Variants in CLIC5 observed in about 807,000 individuals in gnomAD.
CLIC5 encodes chloride intracellular channel protein 5.
CLIC5 carries 20 observed loss-of-function variants against 24.7 expected under a neutral mutation model. That is an observed-to-expected ratio of 0.81 (90% CI 0.57 to 1.18). The LOEUF is 1.18. Ranked by LOEUF, CLIC5 falls within the 50% of genes most tolerant of loss-of-function variation. The pLI is 0.00. For synonymous variants in CLIC5, 159 were observed against 135.6 expected (o/e 1.17, Z -1.20); for missense variants, 341 against 326.1 (o/e 1.05, Z -0.35).
At chr6:45,951,581 A>C (rs1764469148) in intron 2 of CLIC5, among the ~76,000 whole-genome samples, 1 of 151,962 alleles carries the variant, frequency 6.6e-6, no homozygotes, top group Non-Finnish European at 1.5e-5. Context: ...GAGCAAAATG[A>C]GGGGGAAGAA....
rs35261495 is a variant in CLIC5 at position 45,911,822 on chromosome 6, C to A, written c.588+2406G>T. On this transcript the variant is annotated intron_variant, in intron 5 of 5. Transcript: ENST00000339561. ...AAAGGCCTGCAGATGCCTCTCCCAA[C>A]GAAGACCTGTGCACCCTGGGCCTTG... 742 of 985,434 alleles carry A rather than the reference C, an allele frequency of 7.5e-4. 9 individuals carry two copies. In the African/African-American group the frequency reaches 0.012, roughly 16 times the overall value. 61.0% of individuals were successfully genotyped at this position (985,434 alleles called of 1,614,324 possible). A position where few individuals can be genotyped will look rare whatever the true frequency, so the allele number is the denominator to read the frequency against.
chr6:46,063,579 G>A lies in CLIC5; in HGVS notation c.540+16124C>T, dbSNP rs147888779. ...AGAGCTTAGAGAGCACTCTTGAGAT[G>A]TGCAGAGGAGTCCCCTTGAATCTTT... On this transcript the variant is annotated intron_variant, in intron 1 of 5. Transcript: ENST00000185206. 6.0e-3 allele frequency among the ~76,000 whole-genome samples: 918 copies of A among 152,304 alleles called. 8 individuals carry two copies. Among genetic ancestry groups the A allele is most frequent in the African/African-American group, 0.019 (806 of 41,562 alleles).
intron 1 of CLIC5, among the ~76,000 whole-genome samples, chr6:46,063,484 C>A (rs1212024782): frequency 6.6e-6 from 1 of 152,108 alleles, no homozygotes; most frequent in African/African-American, 2.4e-5. Flanking sequence ...GTTTGGAGTT[C>A]GGGAAGGTCA....
At chr6:45,885,998 A>C (rs1019883823) in intron 6 of CLIC5, among the ~76,000 whole-genome samples, 2 of 152,216 alleles carry the variant, frequency 1.3e-5, no homozygotes, top group Non-Finnish European at 2.9e-5. Flanking sequence ...AAAGTAACTG[A>C]AAATGGATAC....
upstream of CLIC5, among the ~76,000 whole-genome samples, chr6:46,017,612 G>T (rs762234845): frequency 6.6e-6 from 1 of 152,110 alleles, no homozygotes; most frequent in Non-Finnish European, 1.5e-5. Flanking sequence ...TGGTTTTAAC[G>T]GTCTTAACAG....
chr6:46,064,564 A>G (rs1762389281), intron 1 of CLIC5, among the ~76,000 whole-genome samples: 1 of 152,168 alleles, frequency 6.6e-6, no homozygotes. Flanking sequence ...CATATCAACA[A>G]CATATCAACA....
chr6:45,992,568 TATGCCTAACAGATAC>T (rs769372482), intron 1 of CLIC5, among the ~76,000 whole-genome samples: 11 of 152,200 alleles, frequency 7.2e-5, no homozygotes, highest in Non-Finnish European at 1.6e-4. Context: ...AGCGTGTGTT[TATGCCTAACAGATAC>T]ATATGCATCA....
the CLIC5 span, among the ~76,000 whole-genome samples, chr6:46,120,215 G>A: frequency 1.3e-5 from 2 of 152,178 alleles, no homozygotes; most frequent in African/African-American, 4.8e-5. Context: ...ACACGGCCGG[G>A]TACTCCTCTG....
At chr6:45,955,533 A>G (rs1458366441) in intron 1 of CLIC5, among the ~76,000 whole-genome samples, 2 of 152,154 alleles carry the variant, frequency 1.3e-5, no homozygotes, top group Non-Finnish European at 2.9e-5. Flanking sequence ...GACCTGCAAC[A>G]TCACTTAGTC....
intron 1 of CLIC5, among the ~76,000 whole-genome samples, chr6:46,028,977 C>T (rs1320282210): frequency 6.6e-6 from 1 of 152,174 alleles, no homozygotes; most frequent in African/African-American, 2.4e-5. Context: ...CATTCCTCCC[C>T]CACCCCCACT....
rs139565245 is a variant in CLIC5 at position 45,987,513 on chromosome 6, T to C, written c.63+27967A>G. Among the ~76,000 whole-genome samples, 156 of 152,364 alleles carry C rather than the reference T, an allele frequency of 1.0e-3. 5 individuals are homozygous for C. The East Asian group carries it at 0.026, about 25-fold the overall frequency. On this transcript the variant is annotated intron_variant, in intron 1 of 5. Coordinates refer to ENST00000339561, the MANE Select transcript of CLIC5 (RefSeq NM_016929.5). Reference sequence around the variant, plus strand: ...AAGATAGATTTTTGTATCGTTGTTATAATCACAACACCAAAGTCTTAGCCT... The same window carrying C: ...AAGATAGATTTTTGTATCGTTGTTACAATCACAACACCAAAGTCTTAGCCT...
intron 1 of CLIC5, among the ~76,000 whole-genome samples, chr6:45,982,345 G>A (rs901968056): frequency 1.3e-5 from 2 of 152,088 alleles, no homozygotes; most frequent in African/African-American, 4.8e-5. Context: ...AGTCCTTTCA[G>A]TGGATGAGTT....
chr6:46,004,097 G>T (rs1766456108), intron 1 of CLIC5, among the ~76,000 whole-genome samples: 1 of 152,198 alleles, frequency 6.6e-6, no homozygotes, highest in Admixed American at 6.5e-5. Flanking sequence ...TCAGTATCAG[G>T]TGGAAGCAGT....
chr6:46,099,448 C>T, the CLIC5 span, among the ~76,000 whole-genome samples: 1 of 152,092 alleles, frequency 6.6e-6, no homozygotes, highest in Non-Finnish European at 1.5e-5. Flanking sequence ...CAGTAGACAG[C>T]CATTGGCTTC....
At chr6:46,087,404 A>G in the CLIC5 span, among the ~76,000 whole-genome samples, 177 of 152,286 alleles carry the variant, frequency 1.2e-3, no homozygotes, top group African/African-American at 4.0e-3. Flanking sequence ...ACACCAAAAC[A>G]ATATGATAGG....
At chr6:46,076,276 T>C (rs1475286931) in intron 1 of CLIC5, among the ~76,000 whole-genome samples, 1 of 152,226 alleles carries the variant, frequency 6.6e-6, no homozygotes, top group Non-Finnish European at 1.5e-5. Flanking sequence ...GCCTCGCGCC[T>C]ACTTACCGTC....
chr6:46,121,645 TAA>T, the CLIC5 span, among the ~76,000 whole-genome samples: 1 of 152,060 alleles, frequency 6.6e-6, no homozygotes, highest in African/African-American at 2.4e-5. Context: ...GCAAATTGGA[TAA>T]AGAGTCAAGA....
Position 45,988,624 on chromosome 6 carries a change from C to T in CLIC5, c.63+26856G>A, listed in dbSNP as rs189011614. Among the ~76,000 whole-genome samples the T allele has an allele frequency of 1.4e-4, 21 of 152,328 alleles. No individual in the cohort carries two copies. In the South Asian group the frequency reaches 2.5e-3, roughly 18 times the overall value. On this transcript the variant is annotated intron_variant, in intron 1 of 5. Transcript: ENST00000339561. ...AAAAAACCTGAGGAGATTCATGCCACGCTTAACTATTATCCTTGTTTTAGC... is the reference window on the plus strand; with the variant it reads ...AAAAAACCTGAGGAGATTCATGCCATGCTTAACTATTATCCTTGTTTTAGC...
At chr6:45,947,341 G>A (rs1235027694) in intron 3 of CLIC5, among the ~76,000 whole-genome samples, 1 of 152,180 alleles carries the variant, frequency 6.6e-6, no homozygotes, top group African/African-American at 2.4e-5. Flanking sequence ...AGCAAGAAGG[G>A]CTCTGGGAGA....
Sources: allele counts gnomAD v4.1 joint callset (sites outside exome capture counted in the v4.1 genomes callset), GRCh38; gene constraint gnomAD v4.1.1; transcripts MANE v1.5; gene names NCBI Gene and HGNC (gene_info 2026-07-23, HGNC 2026-07-21).